Variants in PTPRD observed in about 807,000 individuals in gnomAD.
PTPRD encodes the protein receptor-type tyrosine-protein phosphatase delta.
In PTPRD, 34 loss-of-function variants were observed where a neutral mutation model predicts 214.5. That is an observed-to-expected ratio of 0.16 (90% CI 0.12 to 0.21). PTPRD has a LOEUF of 0.21. Among genes scored for constraint, PTPRD ranks in the 10% least tolerant of loss-of-function variants. The pLI, the probability that PTPRD is intolerant of heterozygous loss-of-function variation, is 1.00. For missense variants in PTPRD, 2,545 were observed against 2,398.7 expected, an observed-to-expected ratio of 1.06 and a Z score of -1.27; for synonymous variants, 1,128 against 845.7, an observed-to-expected ratio of 1.33 and a Z score of -5.79.
At chr9:10,328,452 A>T (rs1364929655) in intron 3 of PTPRD, among the ~76,000 whole-genome samples, 1 of 151,680 alleles carries the variant, frequency 6.6e-6, no homozygotes, top group Non-Finnish European at 1.5e-5. Flanking sequence ...TATAGAAATC[A>T]TTTTTTAAAA....
At chr9:8,850,049 T>C (rs1205481032) in intron 11 of PTPRD, among the ~76,000 whole-genome samples, 4 of 151,900 alleles carry the variant, frequency 2.6e-5, no homozygotes, top group Non-Finnish European at 5.9e-5. Flanking sequence ...AGAAAAGAGA[T>C]AGGGATGACA....
intron 11 of PTPRD, among the ~76,000 whole-genome samples, chr9:8,973,841 T>C (rs1007543250): frequency 2.6e-5 from 4 of 152,176 alleles, no homozygotes; most frequent in African/African-American, 9.6e-5. Flanking sequence ...TTTCATGTGT[T>C]TGTTGGCTGC....
chr9:8,732,681 A>T (rs2098673174), intron 12 of PTPRD, among the ~76,000 whole-genome samples: 1 of 152,224 alleles, frequency 6.6e-6, no homozygotes, highest in Admixed American at 6.5e-5. Flanking sequence ...TTACATATGT[A>T]TCTTCTTATT....
intron 3 of PTPRD, among the ~76,000 whole-genome samples, chr9:10,285,771 T>G (rs2095329381): frequency 6.6e-6 from 1 of 152,084 alleles, no homozygotes; most frequent in African/African-American, 2.4e-5. Context: ...CCACCATGCC[T>G]GGCTAACTTT....
chr9:8,557,538 T>G (rs988401615), intron 14 of PTPRD, among the ~76,000 whole-genome samples: 7 of 139,016 alleles, frequency 5.0e-5, no homozygotes, highest in Admixed American at 7.3e-5. Flanking sequence ...AGGTCAGGAG[T>G]TCGAGACTAG....
At chr9:9,718,530 G>A (rs915569510) in intron 7 of PTPRD, among the ~76,000 whole-genome samples, 60 of 152,162 alleles carry the variant, frequency 3.9e-4, no homozygotes, top group African/African-American at 1.7e-4. Flanking sequence ...GCCCAGCCAC[G>A]GCTCCAGACC....
intron 9 of PTPRD, among the ~76,000 whole-genome samples, chr9:9,366,812 A>T (rs922762391): frequency 1.3e-5 from 2 of 151,574 alleles, no homozygotes; most frequent in Non-Finnish European, 3.0e-5. Flanking sequence ...TACATGTAAT[A>T]AAAATGAATA....
intron 34 of PTPRD, among the ~76,000 whole-genome samples, chr9:8,440,109 C>A (rs2095498221): frequency 6.6e-6 from 1 of 151,076 alleles, no homozygotes; most frequent in Non-Finnish European, 1.5e-5. Context: ...CCTTTTTTTC[C>A]CATTTAGAAA....
At chr9:9,784,635 C>G (rs1393514628) in intron 5 of PTPRD, among the ~76,000 whole-genome samples, 1 of 151,806 alleles carries the variant, frequency 6.6e-6, no homozygotes, top group Non-Finnish European at 1.5e-5. Flanking sequence ...ACCTAGCAGA[C>G]CATACTGACT....
chr9:10,127,835 GT>G (rs1484380649), intron 3 of PTPRD, among the ~76,000 whole-genome samples: 2 of 152,096 alleles, frequency 1.3e-5, no homozygotes, highest in Non-Finnish European at 2.9e-5. Context: ...GTCTTCCGAA[GT>G]GGAAGTTTTT....
intron 8 of PTPRD, among the ~76,000 whole-genome samples, chr9:9,542,367 A>G (rs1487755910): frequency 6.6e-6 from 1 of 151,750 alleles, no homozygotes; most frequent in African/African-American, 2.4e-5. Flanking sequence ...ATAGGAGAAT[A>G]TCTTCAAGCT....
At chr9:10,029,416 G>A (rs146357444) in intron 4 of PTPRD, among the ~76,000 whole-genome samples, 59 of 152,296 alleles carry the variant, frequency 3.9e-4, no homozygotes, top group African/African-American at 1.3e-3. Flanking sequence ...GACACTCAAT[G>A]GCAGCTTGTG....
chr9:9,385,805 G>T (rs1452703910), intron 9 of PTPRD, among the ~76,000 whole-genome samples: 1 of 152,128 alleles, frequency 6.6e-6, no homozygotes, highest in Admixed American at 6.6e-5. Context: ...TCCATTTGAA[G>T]AAATAATCTT....
chr9:10,346,081 G>T (rs770125441), intron 2 of PTPRD, among the ~76,000 whole-genome samples: 3 of 152,038 alleles, frequency 2.0e-5, no homozygotes, highest in Admixed American at 1.3e-4. Flanking sequence ...CAATTATATT[G>T]AAACACAATT....
intron 35 of PTPRD, among the ~76,000 whole-genome samples, chr9:8,411,965 T>A (rs559401995): frequency 2.0e-5 from 3 of 152,216 alleles, no homozygotes; most frequent in African/African-American, 7.2e-5. Context: ...TCCAGGCAGT[T>A]TGGGGCAAGC....
intron 9 of PTPRD, among the ~76,000 whole-genome samples, chr9:9,329,218 T>C (rs2041366456): frequency 6.6e-6 from 1 of 152,082 alleles, no homozygotes; most frequent in Non-Finnish European, 1.5e-5. Context: ...CTACTTACTT[T>C]TATTGTTTGT....
chr9:8,388,170 T>C (rs565464991), intron 37 of PTPRD, among the ~76,000 whole-genome samples: 1 of 152,312 alleles, frequency 6.6e-6, no homozygotes, highest in African/African-American at 2.4e-5. Flanking sequence ...TGTCTGAGCT[T>C]TTCCCTTATA....
At chr9:9,606,860 C>G (rs1363002643) in intron 7 of PTPRD, among the ~76,000 whole-genome samples, 1 of 149,986 alleles carries the variant, frequency 6.7e-6, no homozygotes, top group African/African-American at 2.5e-5. Context: ...CCTCCAAGCA[C>G]AGCCTGCAAG....
At chr9:8,330,773 C>T (rs1169641264) in intron 44 of PTPRD, among the ~76,000 whole-genome samples, 1 of 152,032 alleles carries the variant, frequency 6.6e-6, no homozygotes, top group Non-Finnish European at 1.5e-5. Context: ...GAGATCCTGC[C>T]TTCTATGTCG....
Sources: allele counts gnomAD v4.1 joint callset (sites outside exome capture counted in the v4.1 genomes callset), GRCh38; gene constraint gnomAD v4.1.1; transcripts MANE v1.5; gene names NCBI Gene and HGNC (gene_info 2026-07-23, HGNC 2026-07-21).